CDK5RAP2: variants seen among roughly 807,000 people sequenced by gnomAD.
The protein encoded by CDK5RAP2 is CDK5 regulatory subunit-associated protein 2.
In CDK5RAP2, 147 loss-of-function variants were observed where a neutral mutation model predicts 232.9. The observed-to-expected ratio is 0.63, with a 90% CI of 0.55 to 0.72. The LOEUF is 0.72. CDK5RAP2 is among the 30% of genes least tolerant of loss of function. The pLI is 0.00. For synonymous variants in CDK5RAP2, 833 were observed against 833.7 expected (o/e 1.00, Z 0.01); for missense variants, 2,195 against 2,231.5 (o/e 0.98, Z 0.33).
intron 14 of CDK5RAP2, among the ~76,000 whole-genome samples, chr9:120,483,920 G>A (rs756993727): frequency 2.6e-5 from 4 of 152,202 alleles, no homozygotes; most frequent in African/African-American, 4.8e-5. Context: ...GATAGATGGT[G>A]TCTATTTCAG....
At chr9:120,547,901 G>A (rs527503451) in intron 4 of CDK5RAP2, among the ~76,000 whole-genome samples, 62 of 152,316 alleles carry the variant, frequency 4.1e-4, no homozygotes, top group Non-Finnish European at 6.8e-4. Context: ...ACATGCTAAC[G>A]TGGAATACAA....
At chr9:120,485,633 A>G (rs2038560607) in intron 14 of CDK5RAP2, among the ~76,000 whole-genome samples, 3 of 152,236 alleles carry the variant, frequency 2.0e-5, no homozygotes, top group Non-Finnish European at 2.9e-5. Context: ...CTAACTTAAT[A>G]TATTCAAAGT....
At chr9:120,456,305 G>C (rs1414252112) in intron 20 of CDK5RAP2, among the ~76,000 whole-genome samples, 1 of 152,180 alleles carries the variant, frequency 6.6e-6, no homozygotes, top group East Asian at 1.9e-4. Flanking sequence ...TCTACTACCT[G>C]CTCTATTTCT....
At chr9:120,436,825 C>T (rs953246431) in intron 25 of CDK5RAP2, among the ~76,000 whole-genome samples, 1 of 152,140 alleles carries the variant, frequency 6.6e-6, no homozygotes. Flanking sequence ...TTTCACCCTT[C>T]CTCTGGCCAT....
intron 21 of CDK5RAP2, among the ~76,000 whole-genome samples, chr9:120,450,244 A>C (rs1398709083): frequency 6.6e-6 from 1 of 152,260 alleles, no homozygotes; most frequent in Non-Finnish European, 1.5e-5. Context: ...AAGTGGAAGA[A>C]GCCAGTCACC....
At chr9:120,500,673 A>T (rs1333506380) in intron 12 of CDK5RAP2, among the ~76,000 whole-genome samples, 1 of 152,258 alleles carries the variant, frequency 6.6e-6, no homozygotes, top group Non-Finnish European at 1.5e-5. Flanking sequence ...CTCAAGAATC[A>T]CCCAAGGTGT....
At chr9:120,416,292 C>G (rs1342820030) in intron 27 of CDK5RAP2, among the ~76,000 whole-genome samples, 1 of 152,214 alleles carries the variant, frequency 6.6e-6, no homozygotes, top group Non-Finnish European at 1.5e-5. Context: ...GACCAACTGA[C>G]TAAAAATTCG....
intron 5 of CDK5RAP2, among the ~76,000 whole-genome samples, chr9:120,542,086 C>T (rs368645680): frequency 2.6e-5 from 4 of 152,148 alleles, no homozygotes; most frequent in African/African-American, 9.7e-5. Context: ...TATCCTGTCC[C>T]CACGCCCCAA....
chr9:120,404,261 C>A, intron 32 of CDK5RAP2, 148 bp from the exon 33 acceptor site: 1 of 690,768 alleles, frequency 1.4e-6, no homozygotes, highest in South Asian at 1.6e-5. Flanking sequence ...TCTGTCCTGC[C>A]AAGCCCACCT....
At chr9:120,421,510 C>T (rs1337635837) in intron 26 of CDK5RAP2, among the ~76,000 whole-genome samples, 1 of 152,144 alleles carries the variant, frequency 6.6e-6, no homozygotes, top group Non-Finnish European at 1.5e-5. Context: ...AAGTGCCCTT[C>T]GTGATGCCAA....
At position 120,492,356 on chromosome 9, in the gene CDK5RAP2, C is replaced by T. The variant is rs1271471731; in HGVS notation, c.1312-879G>A. ...TAAGTGTGTGTGGCAGCAGCAGAGA[C>T]CCAAGAGAAATAAGTATGGATAGCA... On this transcript the variant is annotated intron_variant, in intron 12 of 37. Coordinates refer to ENST00000349780, the MANE Select transcript of CDK5RAP2 (RefSeq NM_018249.6). 7.9e-5 allele frequency among the ~76,000 whole-genome samples: 12 copies of T among 151,964 alleles called. 1 individual carries two copies. The highest frequency in any genetic ancestry group is 7.9e-4 in the Admixed American group (12 of 15,262).
At chr9:120,472,602 C>CA (rs879338387) in intron 15 of CDK5RAP2, among the ~76,000 whole-genome samples, 3 of 151,926 alleles carry the variant, frequency 2.0e-5, no homozygotes, top group Non-Finnish European at 4.4e-5. Flanking sequence ...TATTAGGGGC[C>CA]AAAAAAACTC....
rs1216298541 is a variant in CDK5RAP2 at position 120,475,475 on chromosome 9, AC to A, written c.1727+1874del. Among the ~76,000 whole-genome samples the A allele has an allele frequency of 2.0e-5, 3 of 152,102 alleles. No individual in the cohort carries two copies. In the East Asian group the frequency reaches 5.8e-4, roughly 29 times the overall value. On this transcript the variant is annotated intron_variant, in intron 15 of 37. Transcript: ENST00000349780. ...ATATCCACCCACAAGGCCTCTCAGT[AC>A]CCAGAATCAACCTGGCTCCTACCCA... is the stretch of plus-strand genomic sequence containing the variant.
intron 12 of CDK5RAP2, among the ~76,000 whole-genome samples, chr9:120,499,502 A>C (rs535653685): frequency 1.3e-5 from 2 of 152,306 alleles, no homozygotes; most frequent in African/African-American, 4.8e-5. Context: ...TTTCACACTA[A>C]GCAGACACTA....
chr9:120,528,076 G>A, intron 9 of CDK5RAP2, 151 bp from the exon 10 acceptor site: 1 of 1,117,558 alleles, frequency 8.9e-7, no homozygotes, highest in South Asian at 1.4e-5. Context: ...TGAACATAGT[G>A]CCATCAGCTC....
chr9:120,449,723 T>C (rs1436980788), intron 21 of CDK5RAP2, among the ~76,000 whole-genome samples: 2 of 152,240 alleles, frequency 1.3e-5, no homozygotes, highest in Admixed American at 6.5e-5. Flanking sequence ...TGATAGTCAC[T>C]TCTCCAAAGG....
intron 20 of CDK5RAP2, among the ~76,000 whole-genome samples, chr9:120,456,471 T>C (rs918625814): frequency 1.1e-4 from 17 of 152,190 alleles, no homozygotes; most frequent in African/African-American, 3.9e-4. Flanking sequence ...GCCCTCTGCA[T>C]ATCCAGATTT....
At position 120,453,714 on chromosome 9, in the gene CDK5RAP2, T is replaced by C. The variant is rs928134158; in HGVS notation, c.2535A>G (p.Pro845=). 15 of 1,614,242 alleles carry C rather than the reference T, an allele frequency of 9.3e-6. No homozygotes were observed. In the Middle Eastern group the frequency reaches 6.6e-4, roughly 71 times the overall value. ...HFVQTNSFSK[P]HDELKLSCEA... ...CACAAGACAACTTCAGTTCATCATG[T>C]GGCTTGGAAAATGAGTTGGTTTGGA... The change falls in exon 21 of 38, where the codon CCA becomes CCG. Residue 845 remains proline (P), a synonymous_variant. Transcript: ENST00000349780.
chr9:120,472,844 T>C (rs2037794010), intron 15 of CDK5RAP2, among the ~76,000 whole-genome samples: 1 of 152,242 alleles, frequency 6.6e-6, no homozygotes, highest in Non-Finnish European at 1.5e-5. Flanking sequence ...TCAACTACAG[T>C]AGCCACTAGC....
Sources: allele counts gnomAD v4.1 joint callset (sites outside exome capture counted in the v4.1 genomes callset), GRCh38; gene constraint gnomAD v4.1.1; transcripts MANE v1.5; gene names NCBI Gene and HGNC (gene_info 2026-07-23, HGNC 2026-07-21).